The following ROBO2 variants were observed in gnomAD, a reference collection of about 807,000 sequenced individuals.
ROBO2 encodes roundabout homolog 2.
Under a neutral mutation model 160.8 loss-of-function variants are expected in ROBO2, and 53 were observed. The ratio of observed to expected loss-of-function variants is 0.33; its 90% CI spans 0.26 to 0.41. The LOEUF (loss-of-function observed/expected upper bound fraction) is 0.41, where lower values mean the gene tolerates loss of function less well. Ranked by LOEUF, ROBO2 falls within the 10% of genes least tolerant of loss-of-function variation. The probability of loss-of-function intolerance (pLI) is 1.00; values close to 1 mark genes in which losing one functional copy is unlikely to be tolerated. For synonymous variants in ROBO2, 664 were observed against 611.7 expected, an observed-to-expected ratio of 1.09 and a Z score of -1.26; for missense variants, 1,577 against 1,722.4, an observed-to-expected ratio of 0.92 and a Z score of 1.49.
intron 2 of ROBO2, among the ~76,000 whole-genome samples, chr3:77,404,812 A>T (rs953145849): frequency 6.6e-6 from 1 of 152,178 alleles, no homozygotes; most frequent in Non-Finnish European, 1.5e-5. Context: ...ATTTCAATCA[A>T]TGGGAATTAA....
At chr3:76,603,999 A>C (rs57794199) in intron 2 of ROBO2, among the ~76,000 whole-genome samples, 204 of 152,324 alleles carry the variant, frequency 1.3e-3, no homozygotes, top group African/African-American at 4.7e-3. Flanking sequence ...CTTAGACATC[A>C]ATGATAGTCT....
intron 14 of ROBO2, among the ~76,000 whole-genome samples, chr3:77,576,269 T>C (rs2093760811): frequency 6.6e-6 from 1 of 152,110 alleles, no homozygotes; most frequent in African/African-American, 2.4e-5. Flanking sequence ...TATATCTCAA[T>C]GCAAATATGG....
chr3:77,493,278 G>T, exon 5 of ROBO2: 2 of 1,613,716 alleles, frequency 1.2e-6, no homozygotes, highest in Non-Finnish European at 1.7e-6. Flanking sequence ...CAATTAACCA[G>T]GTGGTACTGG....
chr3:77,531,377 A>T (rs1300311636), intron 6 of ROBO2, among the ~76,000 whole-genome samples: 1 of 142,800 alleles, frequency 7.0e-6, no homozygotes. Flanking sequence ...AGCAGCCACT[A>T]CTCTAAACAG....
At chr3:77,132,704 T>C (rs1337473749) in intron 2 of ROBO2, among the ~76,000 whole-genome samples, 2 of 152,116 alleles carry the variant, frequency 1.3e-5, no homozygotes, top group Non-Finnish European at 2.9e-5. Context: ...CTGATTTTTT[T>C]TTTTTTAAGT....
chr3:76,478,121 C>G (rs974501761), intron 2 of ROBO2, among the ~76,000 whole-genome samples: 4 of 150,042 alleles, frequency 2.7e-5, no homozygotes, highest in African/African-American at 9.8e-5. Context: ...TGGTGTGCTG[C>G]ACCCATTAAC....
At chr3:77,498,436 T>C (rs1174627428) in intron 5 of ROBO2, among the ~76,000 whole-genome samples, 3 of 152,166 alleles carry the variant, frequency 2.0e-5, no homozygotes, top group African/African-American at 7.2e-5. Context: ...AGTTTCAAGA[T>C]ATATGGAGCA....
intron 2 of ROBO2, among the ~76,000 whole-genome samples, chr3:76,631,761 T>G (rs2090046159): frequency 1.3e-5 from 2 of 152,322 alleles, no homozygotes; most frequent in Non-Finnish European, 2.9e-5. Flanking sequence ...ACCTGGCTTC[T>G]TGGTCGGTTG....
chr3:76,481,602 T>C (rs1329048173), intron 2 of ROBO2, among the ~76,000 whole-genome samples: 5 of 152,136 alleles, frequency 3.3e-5, no homozygotes, highest in African/African-American at 1.2e-4. Context: ...CTCTTAAAGT[T>C]TGCATCAGCA....
chr3:77,625,856 G>C (rs2095010394), intron 23 of ROBO2, among the ~76,000 whole-genome samples: 1 of 152,118 alleles, frequency 6.6e-6, no homozygotes. Flanking sequence ...TCATTTTACA[G>C]AAAAAAGTTT....
At position 76,204,269 on chromosome 3, in the gene ROBO2, AAAT is replaced by A. The variant is rs1702696715; in HGVS notation, c.109+266673_109+266675del. On this transcript the variant is annotated intron_variant, in intron 2 of 26. Coordinates refer to the ROBO2 transcript ENST00000487694. The stretch of plus-strand genomic sequence containing the variant: ...AAGTAACTACTTAGAATTGAGGAGA[AAAT>A]AATAAAGCTTTTCTTTTGAGAAATG... 6.6e-5 allele frequency among the ~76,000 whole-genome samples: 10 copies of A among 152,294 alleles called. No homozygotes were observed. The South Asian group carries it at 2.1e-3, about 32-fold the overall frequency.
intron 9 of ROBO2, among the ~76,000 whole-genome samples, chr3:77,558,902 T>C (rs2093225886): frequency 6.6e-6 from 1 of 152,132 alleles, no homozygotes; most frequent in Non-Finnish European, 1.5e-5. Flanking sequence ...ATGACTGAGC[T>C]GTGTCTTTTG....
intron 2 of ROBO2, among the ~76,000 whole-genome samples, chr3:77,366,327 G>A (rs2070862500): frequency 6.6e-6 from 1 of 151,990 alleles, no homozygotes; most frequent in Non-Finnish European, 1.5e-5. Context: ...TTAGGAGGTG[G>A]GACTTTCGGG....
At chr3:77,294,411 A>G in intron 2 of ROBO2, among the ~76,000 whole-genome samples, 1 of 136,234 alleles carries the variant, frequency 7.3e-6, no homozygotes, top group East Asian at 2.0e-4. Context: ...AGTAAAATTA[A>G]TGGTAAAACG....
chr3:77,395,080 C>A (rs1314290210), intron 2 of ROBO2, among the ~76,000 whole-genome samples: 1 of 152,082 alleles, frequency 6.6e-6, no homozygotes, highest in Non-Finnish European at 1.5e-5. Context: ...TGTATAGATG[C>A]ATAACGGAAG....
intron 2 of ROBO2, among the ~76,000 whole-genome samples, chr3:76,642,264 G>C (rs2090719238): frequency 6.6e-6 from 1 of 150,602 alleles, no homozygotes; most frequent in Non-Finnish European, 1.5e-5. Context: ...CGACAGTCTG[G>C]CTTCAGAGCT....
chr3:76,204,735 A>G (rs1702717659), intron 2 of ROBO2, among the ~76,000 whole-genome samples: 1 of 152,188 alleles, frequency 6.6e-6, no homozygotes, highest in Admixed American at 6.6e-5. Context: ...CCTATTGGCT[A>G]CATATCACAA....
chr3:77,333,106 A>G (rs2066143938), intron 2 of ROBO2, among the ~76,000 whole-genome samples: 1 of 152,220 alleles, frequency 6.6e-6, no homozygotes, highest in African/African-American at 2.4e-5. Context: ...TTATTTGACC[A>G]GATACAATGC....
chr3:76,445,464 C>T (rs765625945), intron 2 of ROBO2, among the ~76,000 whole-genome samples: 2 of 151,910 alleles, frequency 1.3e-5, no homozygotes, highest in African/African-American at 4.8e-5. Flanking sequence ...AAATATTCTC[C>T]GTGGAGCTGG....
Sources: allele counts gnomAD v4.1 joint callset (sites outside exome capture counted in the v4.1 genomes callset), GRCh38; gene constraint gnomAD v4.1.1; transcripts MANE v1.5; gene names NCBI Gene and HGNC (gene_info 2026-07-23, HGNC 2026-07-21).